The following PRKDC variants were observed in gnomAD, a reference collection of about 807,000 sequenced individuals.
PRKDC encodes protein kinase, DNA-activated, catalytic subunit, also known as DNA-dependent protein kinase catalytic subunit.
Under a neutral mutation model 486.9 loss-of-function variants are expected in PRKDC, and 82 were observed. That is an observed-to-expected ratio of 0.17 (90% CI 0.14 to 0.20). The LOEUF (loss-of-function observed/expected upper bound fraction) is 0.20, where lower values mean the gene tolerates loss of function less well. Among genes scored for constraint, PRKDC ranks in the 10% least tolerant of loss-of-function variants. The probability of loss-of-function intolerance (pLI) is 1.00; values close to 1 mark genes in which losing one functional copy is unlikely to be tolerated. For synonymous variants in PRKDC, 1,895 were observed against 1,837.0 expected (o/e 1.03, Z -0.81); for missense variants, 4,504 against 5,038.2 (o/e 0.89, Z 3.21).
chr8:47,791,987 T>C (rs993096965), intron 74 of PRKDC, among the ~76,000 whole-genome samples: 1 of 152,106 alleles, frequency 6.6e-6, no homozygotes, highest in African/African-American at 2.4e-5. Flanking sequence ...ATGCAGTACA[T>C]ACATGCAATA....
At chr8:47,905,585 T>C (rs1423748593) in intron 25 of PRKDC, among the ~76,000 whole-genome samples, 1 of 152,182 alleles carries the variant, frequency 6.6e-6, no homozygotes, top group Non-Finnish European at 1.5e-5. Flanking sequence ...CTGTCTCCCC[T>C]TGTGGTGACA....
At position 47,896,646 on chromosome 8, in the gene PRKDC, CA is replaced by C. The variant is rs142849899; in HGVS notation, c.3598+514del. Among the ~76,000 whole-genome samples, 244 of 52,888 alleles carry C rather than the reference CA, an allele frequency of 4.6e-3. 1 individual carries two copies. Among genetic ancestry groups the C allele is most frequent in the African/African-American group, 7.2e-3 (106 of 14,824 alleles). The allele number at this position is 52,888 out of a possible 152,430, so 34.7% of individuals were successfully genotyped here. A position where few individuals can be genotyped will look rare whatever the true frequency, so the allele number is the denominator to read the frequency against. On this transcript the variant is annotated intron_variant, in intron 30 of 85. Transcript: ENST00000314191. Reference sequence around the variant, plus strand: ...TGGGCAAAAGAGCGAGACTCCGTCTCAAAAAAAAAAAAAAAAAAACTCCACC... The same window carrying C: ...TGGGCAAAAGAGCGAGACTCCGTCTCAAAAAAAAAAAAAAAAAACTCCACC...
chr8:47,901,154 A>G (rs1156307079), intron 27 of PRKDC, among the ~76,000 whole-genome samples: 1 of 151,086 alleles, frequency 6.6e-6, no homozygotes, highest in Non-Finnish European at 1.5e-5. Context: ...GTCTCAGACG[A>G]AAAAAAGGGC....
At position 47,841,186 on chromosome 8, in the gene PRKDC, A is replaced by G. The variant is rs1040930129; in HGVS notation, c.7281-997T>C. Among the ~76,000 whole-genome samples, 7 of 152,328 alleles carry G rather than the reference A, an allele frequency of 4.6e-5. No individual in the cohort carries two copies. In the East Asian group the frequency reaches 1.3e-3, roughly 29 times the overall value. Reference sequence around the variant, plus strand: ...CAACCCCAAAGACATTTGAATTGGTAGGGAACTGTCAGAGAGAAGGCACAG... The same window carrying G: ...CAACCCCAAAGACATTTGAATTGGTGGGGAACTGTCAGAGAGAAGGCACAG... On this transcript the variant is annotated intron_variant, in intron 54 of 85. Transcript: ENST00000314191.
chr8:47,952,838 T>C (rs1289426131), intron 7 of PRKDC, among the ~76,000 whole-genome samples: 1 of 151,858 alleles, frequency 6.6e-6, no homozygotes, highest in African/African-American at 2.4e-5. Flanking sequence ...ACCCCATCTC[T>C]ACTAAAAATA....
intron 10 of PRKDC, 24 bp from the exon 11 acceptor site, chr8:47,939,721 T>C (rs1288100575): frequency 1.3e-6 from 2 of 1,528,710 alleles, no homozygotes; most frequent in Non-Finnish European, 1.8e-6. Context: ...ATATTTATTT[T>C]TTTGGAAATA....
intron 18 of PRKDC, 110 bp from the exon 19 acceptor site, chr8:47,929,288 A>C: frequency 1.3e-6 from 1 of 750,016 alleles, no homozygotes; most frequent in Non-Finnish European, 2.3e-6. Flanking sequence ...TCAAGTTACC[A>C]ACATCTAATG....
intron 5 of PRKDC, among the ~76,000 whole-genome samples, 181 bp from the exon 6 acceptor site, chr8:47,954,100 C>T (rs2090666598): frequency 6.6e-6 from 1 of 152,112 alleles, no homozygotes; most frequent in African/African-American, 2.4e-5. Context: ...ATGTATTAAT[C>T]ATATTTGTCA....
intron 27 of PRKDC, among the ~76,000 whole-genome samples, chr8:47,901,700 G>A (rs1264970985): frequency 6.6e-6 from 1 of 152,064 alleles, no homozygotes; most frequent in African/African-American, 2.4e-5. Flanking sequence ...TAACCCTCAC[G>A]AAGGGCTGTA....
chr8:47,799,873 T>C (rs1020436797), intron 71 of PRKDC, among the ~76,000 whole-genome samples: 1 of 152,104 alleles, frequency 6.6e-6, no homozygotes, highest in Non-Finnish European at 1.5e-5. Context: ...TAAATAAAAA[T>C]GCAGAAAAGG....
chr8:47,885,865 C>T, intron 36 of PRKDC, 79 bp downstream of exon 36: 4 of 1,420,866 alleles, frequency 2.8e-6, no homozygotes, highest in Non-Finnish European at 3.9e-6. Flanking sequence ...GCACTCCAGC[C>T]TGGGCGAAAG....
At chr8:47,803,185 G>T in intron 70 of PRKDC, 121 bp downstream of exon 70, 1 of 1,014,638 alleles carries the variant, frequency 9.9e-7, no homozygotes, top group Non-Finnish European at 1.4e-6. Flanking sequence ...TATATTCCCT[G>T]AAATTACTGC....
intron 7 of PRKDC, among the ~76,000 whole-genome samples, chr8:47,951,869 C>T (rs2090631277): frequency 6.6e-6 from 1 of 152,128 alleles, no homozygotes. Flanking sequence ...GCACAACCAA[C>T]GTCACTCATC....
intron 31 of PRKDC, among the ~76,000 whole-genome samples, chr8:47,892,291 A>G (rs143901609): frequency 7.5e-4 from 114 of 152,264 alleles, no homozygotes; most frequent in Non-Finnish European, 1.1e-3. Context: ...TGTGGCAGTA[A>G]AAAATGTAAT....
chr8:47,903,470 T>A lies in PRKDC; in HGVS notation c.3043-675A>T, dbSNP rs2089722616. Among the ~76,000 whole-genome samples the A allele has an allele frequency of 2.6e-5, 4 of 152,334 alleles. No homozygotes were observed. The South Asian group carries it at 8.3e-4, about 32-fold the overall frequency. On this transcript the variant is annotated intron_variant, in intron 26 of 85. Coordinates refer to ENST00000314191, the MANE Select transcript of PRKDC (RefSeq NM_006904.7). ...AACACTTCCAGTTATCTGCTACATA[T>A]AAAATCCTTTCTTGCAGAGGTAATT...
intron 68 of PRKDC, among the ~76,000 whole-genome samples, chr8:47,811,350 CAGAGAAGGAAAAAACTAACA>C (rs2087321422): frequency 6.6e-6 from 1 of 152,124 alleles, no homozygotes; most frequent in African/African-American, 2.4e-5. Context: ...AAGATATCTT[CAGAGAAGGAAAAAACTAACA>C]AGAGTTCATC....
intron 21 of PRKDC, among the ~76,000 whole-genome samples, chr8:47,921,124 G>A (rs375764247): frequency 4.1e-4 from 62 of 152,090 alleles, no homozygotes; most frequent in Middle Eastern, 3.4e-3. Flanking sequence ...GCGTGGTGGC[G>A]GGCACCTGTA....
intron 30 of PRKDC, among the ~76,000 whole-genome samples, chr8:47,893,903 T>C (rs1413828423): frequency 2.6e-5 from 4 of 152,234 alleles, no homozygotes; most frequent in Admixed American, 1.3e-4. Flanking sequence ...GCATTTTGTA[T>C]GCTCTGAAAT....
At position 47,834,411 on chromosome 8, in the gene PRKDC, CAG is replaced by C; in HGVS notation, c.7952-17_7952-16del. The C allele has an allele frequency of 6.2e-7, 1 of 1,611,644 alleles. No individual in the cohort carries two copies. The highest frequency in any genetic ancestry group is 8.5e-7 in the Non-Finnish European group (1 of 1,179,294). ...GCTTCTTCCATCTGTGACATGCAAT[CAG>C]AGAGGTCAGGCACTCAGCATCACCC... On this transcript the variant is annotated splice_polypyrimidine_tract_variant and intron_variant, in intron 58 of 85. Coordinates refer to ENST00000314191, the MANE Select transcript of PRKDC (RefSeq NM_006904.7).
Sources: gnomAD v4.1 joint callset for allele counts (sites outside exome capture counted in the v4.1 genomes callset) on GRCh38, gnomAD v4.1.1 for gene constraint, MANE v1.5 for transcripts, NCBI Gene and HGNC (gene_info 2026-07-23, HGNC 2026-07-21) for gene names.